Variants in ALG12 observed in about 807,000 individuals in gnomAD.
The protein encoded by ALG12 is ALG12 alpha-1,6-mannosyltransferase, also known as dol-P-Man:Man(7)GlcNAc(2)-PP-Dol alpha-1,6-mannosyltransferase.
A neutral mutation model predicts 46.0 loss-of-function variants in ALG12; 36 were observed. That is an observed-to-expected ratio of 0.78 (90% CI 0.60 to 1.03). The LOEUF is 1.03. ALG12 is among the 50% of genes least tolerant of loss of function. The pLI, the probability that ALG12 is intolerant of heterozygous loss-of-function variation, is 0.00. For missense variants in ALG12, 599 were observed against 633.5 expected (o/e 0.95, Z 0.58); for synonymous variants, 326 against 291.6 (o/e 1.12, Z -1.20).
chr22:49,884,913 C>T, the ALG12 span: 31 of 1,602,466 alleles, frequency 1.9e-5, no homozygotes, highest in African/African-American at 2.0e-4. Context: ...TCTCATCTTC[C>T]GATGACATAG....
intron 7 of ALG12, among the ~76,000 whole-genome samples, chr22:49,907,318 T>C (rs1029456216): frequency 6.6e-6 from 1 of 152,168 alleles, no homozygotes. Context: ...TGCATCACCA[T>C]ATGTGGACCA....
rs190578697 is a variant in ALG12 at position 49,914,155 on chromosome 22, C to T, written c.-78-312G>A. On this transcript the variant is annotated intron_variant, in intron 1 of 9. Coordinates refer to ENST00000330817, the MANE Select transcript of ALG12 (RefSeq NM_024105.4). ...GGAGGGTGGTAAATGGCCCCTGCCC[C>T]CCAGTCTAAATCTGGCAGGAGAGTC... is the stretch of plus-strand genomic sequence containing the variant. 1.3e-3 allele frequency among the ~76,000 whole-genome samples: 199 copies of T among 152,298 alleles called. 1 individual carries two copies. The highest frequency in any genetic ancestry group is 4.7e-3 in the African/African-American group (196 of 41,556).
the ALG12 span, among the ~76,000 whole-genome samples, chr22:49,859,985 A>G: frequency 2.2e-5 from 3 of 139,504 alleles, no homozygotes; most frequent in African/African-American, 8.4e-5. Context: ...AGCATGGCAG[A>G]ACCCCATCTT....
chr22:49,900,079 G>T (rs1255199933), downstream of ALG12: 1 of 152,260 alleles, frequency 6.6e-6, no homozygotes, highest in Admixed American at 6.5e-5. Flanking sequence ...TGGGAGGAAG[G>T]CTTAAGCCCA....
At chr22:49,891,151 C>T in the ALG12 span, among the ~76,000 whole-genome samples, 1 of 152,296 alleles carries the variant, frequency 6.6e-6, no homozygotes, top group East Asian at 1.9e-4. Flanking sequence ...TTGACTAGGC[C>T]ACTTCTACCT....
chr22:49,913,893 C>A, intron 1 of ALG12, 50 bp from the exon 2 acceptor site: 1 of 1,252,926 alleles, frequency 8.0e-7, no homozygotes, highest in Non-Finnish European at 1.1e-6. Context: ...CGCTTGCGCT[C>A]ACGTTTGGGA....
chr22:49,886,736 A>T, the ALG12 span: 2 of 1,613,272 alleles, frequency 1.2e-6, no homozygotes, highest in Non-Finnish European at 1.7e-6. This position sits in a 1 kb window ranked among gnomAD's most constrained non-coding sequence, Gnocchi z 7.7. Context: ...GCGGAGCAGT[A>T]CAAACAGGAT....
chr22:49,893,639 C>A, the ALG12 span, among the ~76,000 whole-genome samples: 4 of 152,132 alleles, frequency 2.6e-5, no homozygotes, highest in African/African-American at 9.7e-5. Flanking sequence ...CCAACCAGCC[C>A]TAAAATATAT....
At chr22:49,891,452 A>G in the ALG12 span, among the ~76,000 whole-genome samples, 3 of 152,184 alleles carry the variant, frequency 2.0e-5, no homozygotes, top group Admixed American at 6.5e-5. Flanking sequence ...AACAAGATCA[A>G]TATTTTCCTT....
the ALG12 span, among the ~76,000 whole-genome samples, chr22:49,860,358 T>G: frequency 6.6e-6 from 1 of 152,210 alleles, no homozygotes; most frequent in African/African-American, 2.4e-5. Flanking sequence ...ATTTCTTTGA[T>G]TCTTAAATTA....
At chr22:49,897,147 C>T (rs923929340), downstream of ALG12, among the ~76,000 whole-genome samples, 5 of 152,072 alleles carry the variant, frequency 3.3e-5, no homozygotes, top group African/African-American at 1.2e-4. Context: ...TTAAGATTCC[C>T]TCATGTCTTT....
rs1024901325 is a variant in ALG12, at chr22:49,902,989, GGTGT to G, written c.*845_*848del. The G allele has an allele frequency of 1.5e-5, 5 of 331,498 alleles. No homozygotes were observed. Among genetic ancestry groups the G allele is most frequent in the African/African-American group, 8.8e-5 (4 of 45,338 alleles). 20.5% of individuals were successfully genotyped at this position (331,498 alleles called of 1,614,324 possible). ...GTGTGCACTGTGTGCATGCGTGTGT[GGTGT>G]GTGTGCATGTATGCATGGTGTGTGC... On this transcript the variant is annotated 3_prime_UTR_variant, in exon 10 of 10. Transcript: ENST00000330817.
At chr22:49,899,008 A>AGT (rs928163855), downstream of ALG12, among the ~76,000 whole-genome samples, 22 of 152,330 alleles carry the variant, frequency 1.4e-4, no homozygotes, top group African/African-American at 5.1e-4. Flanking sequence ...AATTAACCCC[A>AGT]GCCAGGCACA....
At chr22:49,884,948 A>G in the ALG12 span, 2 of 1,610,720 alleles carry the variant, frequency 1.2e-6, no homozygotes, top group East Asian at 4.5e-5. Flanking sequence ...TCCTCTCCTG[A>G]GAAGCAGCAG....
chr22:49,895,752 T>C (rs2060481291), downstream of ALG12, among the ~76,000 whole-genome samples: 1 of 152,242 alleles, frequency 6.6e-6, no homozygotes, highest in Non-Finnish European at 1.5e-5. Flanking sequence ...ACATTTAGTT[T>C]ATTGAGGTTA....
the ALG12 span, among the ~76,000 whole-genome samples, chr22:49,860,779 CTT>C: frequency 1.7e-4 from 24 of 137,478 alleles, no homozygotes; most frequent in Admixed American, 2.9e-4. Context: ...TCTAAGCAAC[CTT>C]TTTTTTTTTT....
chr22:49,860,098 G>C, the ALG12 span, among the ~76,000 whole-genome samples: 1 of 150,434 alleles, frequency 6.6e-6, no homozygotes, highest in African/African-American at 2.5e-5. Flanking sequence ...AGGAGTTCCA[G>C]ACCAGTCTAG....
chr22:49,861,731 C>G, the ALG12 span, among the ~76,000 whole-genome samples: 1 of 152,214 alleles, frequency 6.6e-6, no homozygotes, highest in African/African-American at 2.4e-5. Context: ...GCTGCCGTGG[C>G]TGGCCCCTGC....
rs2060545039 is a variant in ALG12, at chr22:49,906,871, AG to A, written c.992+849del. 6.6e-6 allele frequency among the ~76,000 whole-genome samples: 1 copy of A among 152,062 alleles called. No individual in the cohort carries two copies. Among genetic ancestry groups the A allele is most frequent in the African/African-American group, 2.4e-5 (1 of 41,382 alleles). On this transcript the variant is annotated intron_variant, in intron 7 of 9. Transcript: ENST00000330817. This position sits in a 1 kb window ranked among gnomAD's most constrained non-coding sequence, Gnocchi z 4.4. The stretch of plus-strand genomic sequence containing the variant: ...CCCCGGGTCCTTCCCCAGCACCCAC[AG>A]GGCCCGGCAGTGATGGACTCTCCTG...
Sources: gnomAD v4.1 joint callset for allele counts (sites outside exome capture counted in the v4.1 genomes callset) on GRCh38, gnomAD v4.1.1 for gene constraint, Gnocchi (gnomAD v3.1) non-coding constraint, MANE v1.5 for transcripts, NCBI Gene and HGNC (gene_info 2026-07-23, HGNC 2026-07-21) for gene names.